The following ADAM23 variants were observed in gnomAD, a reference collection of about 807,000 sequenced individuals.
ADAM23 encodes disintegrin and metalloproteinase domain-containing protein 23.
A neutral mutation model predicts 120.1 loss-of-function variants in ADAM23; 33 were observed. The ratio of observed to expected loss-of-function variants is 0.27; its 90% CI spans 0.21 to 0.37. The LOEUF (loss-of-function observed/expected upper bound fraction) is 0.37, where lower values mean the gene tolerates loss of function less well. Ranked by LOEUF, ADAM23 falls within the 10% of genes least tolerant of loss-of-function variation. ADAM23 has a pLI of 1.00. For synonymous variants in ADAM23, 367 were observed against 375.2 expected (o/e 0.98, Z 0.25); for missense variants, 862 against 1,058.2 (o/e 0.81, Z 2.57).
chr2:206,446,144 G>T (rs1173790728), intron 2 of ADAM23, among the ~76,000 whole-genome samples: 1 of 152,140 alleles, frequency 6.6e-6, no homozygotes, highest in Non-Finnish European at 1.5e-5. Context: ...TAATTCTTCA[G>T]TACCTACTCT....
At chr2:206,472,364 C>T (rs531491742) in intron 2 of ADAM23, among the ~76,000 whole-genome samples, 1 of 152,040 alleles carries the variant, frequency 6.6e-6, no homozygotes, top group South Asian at 2.1e-4. Flanking sequence ...AATCCCAGTA[C>T]CTTGGGAGGC....
At chr2:206,501,240 G>A (rs1172931170) in intron 3 of ADAM23, among the ~76,000 whole-genome samples, 3 of 151,936 alleles carry the variant, frequency 2.0e-5, no homozygotes, top group Middle Eastern at 3.2e-3. Context: ...GCTGATTTTC[G>A]AATCTCTTCT....
intron 2 of ADAM23, among the ~76,000 whole-genome samples, chr2:206,451,124 G>C (rs752850392): frequency 5.9e-5 from 9 of 152,258 alleles, no homozygotes; most frequent in Non-Finnish European, 1.3e-4. Flanking sequence ...AGTTTGTGCA[G>C]AAGGTGGAGA....
chr2:206,564,873 TG>T, intron 13 of ADAM23, 146 bp from the exon 14 acceptor site: 1 of 747,108 alleles, frequency 1.3e-6, no homozygotes. Flanking sequence ...AAAGAAATTT[TG>T]TTCTGTAAGA....
chr2:206,495,103 A>C (rs1172427521), intron 3 of ADAM23, among the ~76,000 whole-genome samples: 1 of 152,212 alleles, frequency 6.6e-6, no homozygotes, highest in Non-Finnish European at 1.5e-5. Context: ...GAACTTCCCC[A>C]ATCTAGCAAG....
chr2:206,571,693 C>A, intron 16 of ADAM23, 34 bp from the exon 17 acceptor site: 2 of 1,525,768 alleles, frequency 1.3e-6, no homozygotes, highest in Non-Finnish European at 1.8e-6. Context: ...GCAGGTAAGG[C>A]TCTTCGCTTA....
intron 2 of ADAM23, among the ~76,000 whole-genome samples, chr2:206,451,136 A>G (rs927285262): frequency 6.6e-6 from 1 of 152,210 alleles, no homozygotes; most frequent in African/African-American, 2.4e-5. Flanking sequence ...AGGTGGAGAA[A>G]GGAAGAGCCA....
At position 206,588,095 on chromosome 2, in the gene ADAM23, G is replaced by T; in HGVS notation, c.1793G>T (p.Arg598Leu). The change falls in exon 20 of 26, where the codon CGC becomes CTC. Residue 598 changes from arginine to leucine, a missense_variant. Coordinates refer to ENST00000264377, the MANE Select transcript of ADAM23 (RefSeq NM_003812.4). Reference protein sequence around the residue: ...DGYACNQNQGRCYNGECKTRD... With the variant: ...DGYACNQNQGLCYNGECKTRD... ...CATGTGTGCTCCTGTCCCCAGGGCC[G>T]CTGCTACAATGGCGAGTGCAAGACC... The T allele has an allele frequency of 6.2e-7, 1 of 1,614,032 alleles. No individual in the cohort carries two copies. Among genetic ancestry groups the T allele is most frequent in the Middle Eastern group, 1.7e-4 (1 of 6,056 alleles).
chr2:206,613,509 T>C (rs1047181014), intron 25 of ADAM23, among the ~76,000 whole-genome samples: 4 of 152,338 alleles, frequency 2.6e-5, no homozygotes, highest in Middle Eastern at 3.4e-3. Context: ...GCTCTACTTC[T>C]ATATCTGCAT....
intron 3 of ADAM23, among the ~76,000 whole-genome samples, chr2:206,484,108 G>A (rs1453223628): frequency 1.3e-5 from 2 of 152,182 alleles, no homozygotes; most frequent in Non-Finnish European, 2.9e-5. Flanking sequence ...TGAGATCAAA[G>A]CCCAAGGGCA....
intron 3 of ADAM23, among the ~76,000 whole-genome samples, chr2:206,498,183 G>T (rs943222218): frequency 1.3e-5 from 2 of 152,086 alleles, no homozygotes; most frequent in South Asian, 2.1e-4. Flanking sequence ...AAAAGAGCCC[G>T]CATTGCCAAG....
Position 206,443,850 on chromosome 2 carries a change from C to T in ADAM23, c.-17C>T. On this transcript the variant is annotated 5_prime_UTR_variant, in exon 1 of 26. Coordinates refer to ENST00000264377, the MANE Select transcript of ADAM23 (RefSeq NM_003812.4). ...CTCTCGCCGGCCACACGGAGCGGCG[C>T]CCGGGAGCTATGAGCCATGAAGCCG... 4 of 1,112,542 alleles carry T rather than the reference C, an allele frequency of 3.6e-6. No individual in the cohort carries two copies. The highest frequency in any genetic ancestry group is 4.4e-6 in the Non-Finnish European group (4 of 913,264). The allele number at this position is 1,112,542 out of a possible 1,614,324, so 68.9% of individuals were successfully genotyped here. A position where few individuals can be genotyped will look rare whatever the true frequency, so the allele number is the denominator to read the frequency against.
intron 15 of ADAM23, among the ~76,000 whole-genome samples, chr2:206,567,847 A>G (rs547134059): frequency 3.0e-4 from 45 of 152,302 alleles, no homozygotes; most frequent in Non-Finnish European, 4.9e-4. Flanking sequence ...CAGGAAACTT[A>G]TAATCATGGT....
chr2:206,610,342 G>C (rs1054737639), intron 25 of ADAM23, among the ~76,000 whole-genome samples: 2 of 152,176 alleles, frequency 1.3e-5, no homozygotes, highest in Non-Finnish European at 2.9e-5. Context: ...GAAATAAGTG[G>C]ATGTAAATTG....
intron 3 of ADAM23, among the ~76,000 whole-genome samples, chr2:206,487,113 G>A (rs1160762267): frequency 2.0e-5 from 3 of 152,182 alleles, no homozygotes; most frequent in Non-Finnish European, 4.4e-5. Flanking sequence ...GTTGTTGCAA[G>A]GATTAGATGA....
At chr2:206,540,980 TA>T (rs1467675850) in intron 4 of ADAM23, among the ~76,000 whole-genome samples, 5 of 147,976 alleles carry the variant, frequency 3.4e-5, no homozygotes, top group African/African-American at 9.8e-5. Context: ...TTTATAATAA[TA>T]AAAATTTATT....
At chr2:206,565,887 A>G (rs1297497225) in intron 14 of ADAM23, among the ~76,000 whole-genome samples, 1 of 151,944 alleles carries the variant, frequency 6.6e-6, no homozygotes, top group African/African-American at 2.4e-5. Context: ...GTTTTCTTCC[A>G]CCAGCCCTCC....
chr2:206,445,209 GAAA>G, intron 1 of ADAM23, 95 bp from the exon 2 acceptor site: 1 of 865,934 alleles, frequency 1.2e-6, no homozygotes, highest in South Asian at 1.8e-5. Context: ...GAAATTAAAG[GAAA>G]AATGCATTTT....
At chr2:206,608,612 C>T (rs1034968726) in intron 24 of ADAM23, among the ~76,000 whole-genome samples, 1 of 151,770 alleles carries the variant, frequency 6.6e-6, no homozygotes, top group East Asian at 1.9e-4. Context: ...AACTGAGATT[C>T]GTTCTCTAGA....
Sources: allele counts gnomAD v4.1 joint callset (sites outside exome capture counted in the v4.1 genomes callset), GRCh38; gene constraint gnomAD v4.1.1; transcripts MANE v1.5; gene names NCBI Gene and HGNC (gene_info 2026-07-23, HGNC 2026-07-21).